The following MYO5C variants were observed in gnomAD, a reference collection of about 807,000 sequenced individuals.
The protein encoded by MYO5C is unconventional myosin-Vc.
A neutral mutation model predicts 235.7 loss-of-function variants in MYO5C; 194 were observed. That is an observed-to-expected ratio of 0.82 (90% CI 0.73 to 0.93). The LOEUF is 0.93. Ranked by LOEUF, MYO5C falls within the 40% of genes least tolerant of loss-of-function variation. The probability of loss-of-function intolerance (pLI) is 0.00; values close to 1 mark genes in which losing one functional copy is unlikely to be tolerated. For missense variants in MYO5C, 2,038 were observed against 2,127.2 expected (o/e 0.96, Z 0.82); for synonymous variants, 707 against 754.8 (o/e 0.94, Z 1.04).
chr15:52,272,317 C>T (rs1054856048), intron 6 of MYO5C, among the ~76,000 whole-genome samples: 2 of 152,318 alleles, frequency 1.3e-5, no homozygotes, highest in South Asian at 4.1e-4. Context: ...GAGATACTTG[C>T]TTTTTAAACT....
intron 21 of MYO5C, 70 bp from the exon 22 acceptor site, chr15:52,237,716 A>G: frequency 6.8e-7 from 1 of 1,472,018 alleles, no homozygotes; most frequent in Non-Finnish European, 9.2e-7. Flanking sequence ...TAATTCTCAT[A>G]GCCTTTGACA....
Position 52,232,612 on chromosome 15 carries a change from G to C in MYO5C, c.3026+10C>G. 1 of 1,613,074 alleles carries C rather than the reference G, an allele frequency of 6.2e-7. No homozygotes were observed. The highest frequency in any genetic ancestry group is 8.5e-7 in the Non-Finnish European group (1 of 1,179,260). On this transcript the variant is annotated intron_variant, in intron 24 of 40. Transcript: ENST00000261839. The stretch of plus-strand genomic sequence containing the variant: ...AAGAAAGTAGCTTTAAGGCAAACTA[G>C]ATTCCATACATTCTTTGCCGTTCTT...
Position 52,239,714 on chromosome 15 carries a change from A to G in MYO5C, c.2703+19T>C. On this transcript the variant is annotated intron_variant, in intron 21 of 40. Coordinates refer to ENST00000261839, the MANE Select transcript of MYO5C (RefSeq NM_018728.4). Reference sequence around the variant, plus strand: ...ATGTAAGAAAAAGTAAATGTAAAAGATGCACTATGAGCACCTACCTGATCT... The same window carrying G: ...ATGTAAGAAAAAGTAAATGTAAAAGGTGCACTATGAGCACCTACCTGATCT... The G allele has an allele frequency of 6.4e-7, 1 of 1,573,812 alleles. No individual in the cohort carries two copies. The highest frequency in any genetic ancestry group is 1.2e-5 in the South Asian group (1 of 85,916).
chr15:52,275,674 G>A lies in MYO5C; in HGVS notation c.494C>T (p.Ala165Val). Residue 165 changes from alanine (A) to valine (V), a missense_variant, in exon 5 of 41, where the codon GCT (alanine) becomes GTT (valine). Transcript: ENST00000261839. Reference sequence around the variant, plus strand: ...ATAGCGAGCCGACACTGTCTTTCCAGCACCTGACTCCCCACTTACAATTAT... The same window carrying A: ...ATAGCGAGCCGACACTGTCTTTCCAACACCTGACTCCCCACTTACAATTAT... ...QSIIVSGESG[A>V]GKTVSARYAM... The A allele has an allele frequency of 6.2e-7, 1 of 1,614,192 alleles. No homozygotes were observed. Among genetic ancestry groups the A allele is most frequent in the Non-Finnish European group, 8.5e-7 (1 of 1,180,032 alleles).
At chr15:52,225,592 G>A in intron 25 of MYO5C, 60 bp from the exon 26 acceptor site, 1 of 1,146,796 alleles carries the variant, frequency 8.7e-7, no homozygotes, top group Non-Finnish European at 1.3e-6. Flanking sequence ...CTTTATATAA[G>A]ACAAAGGGAA....
intron 6 of MYO5C, among the ~76,000 whole-genome samples, chr15:52,272,328 A>G (rs1425142860): frequency 6.6e-6 from 1 of 152,226 alleles, no homozygotes; most frequent in Non-Finnish European, 1.5e-5. Flanking sequence ...TTTTTAAACT[A>G]TAAGGATTTT....
rs760280326 is a variant in MYO5C, at chr15:52,235,658, C to G, written c.2962+12G>C. 6.3e-7 allele frequency: 1 copy of G among 1,598,408 alleles called. No homozygotes were observed. The highest frequency in any genetic ancestry group is 1.1e-5 in the South Asian group (1 of 87,990). On this transcript the variant is annotated intron_variant, in intron 23 of 40. Transcript: ENST00000261839. ...TCAGTGAATGTCTGGATTTGTGCCC[C>G]CCAAGCTTTACCTTTTAACTCTTCA...
chr15:52,267,306 T>G (rs547025308), intron 8 of MYO5C, among the ~76,000 whole-genome samples: 1 of 152,258 alleles, frequency 6.6e-6, no homozygotes, highest in Non-Finnish European at 1.5e-5. Context: ...ACCTGCTATG[T>G]GCTTGGCCTG....
chr15:52,295,544 G>A, intron 1 of MYO5C, 66 bp downstream of exon 1: 1 of 1,485,130 alleles, frequency 6.7e-7, no homozygotes. Flanking sequence ...CGGGCGCCAG[G>A]TCGAGTCAGC....
chr15:52,267,456 C>T (rs886454132), intron 8 of MYO5C, among the ~76,000 whole-genome samples: 1 of 152,122 alleles, frequency 6.6e-6, no homozygotes, highest in African/African-American at 2.4e-5. Context: ...GAGACAGAGG[C>T]GGGCGGATCA....
At position 52,256,725 on chromosome 15, in the gene MYO5C, A is replaced by C; in HGVS notation, c.1314-5T>G. ...TTCACATCAAAGGTTTCAAAACTGA[A>C]ATACAATTTAAACAAGTTAAAATAT... On this transcript the variant is annotated splice_region_variant and splice_polypyrimidine_tract_variant and intron_variant, in intron 10 of 40. Coordinates refer to ENST00000261839, the MANE Select transcript of MYO5C (RefSeq NM_018728.4). 6.2e-7 allele frequency: 1 copy of C among 1,605,434 alleles called. No homozygotes were observed. The highest frequency in any genetic ancestry group is 8.5e-7 in the Non-Finnish European group (1 of 1,172,848).
intron 38 of MYO5C, 76 bp downstream of exon 38, chr15:52,204,789 G>A (rs2035264841): frequency 2.0e-6 from 3 of 1,520,216 alleles, no homozygotes; most frequent in African/African-American, 1.4e-5. Context: ...GGGAGGGTCA[G>A]GCGCGTGGGG....
chr15:52,246,423 A>G (rs932093821), intron 16 of MYO5C, among the ~76,000 whole-genome samples: 1 of 152,192 alleles, frequency 6.6e-6, no homozygotes, highest in East Asian at 1.9e-4. Context: ...GGTCTCACCC[A>G]TCTGGTGACC....
chr15:52,223,202 G>A (rs1400043687), intron 29 of MYO5C, among the ~76,000 whole-genome samples: 1 of 150,520 alleles, frequency 6.6e-6, no homozygotes, highest in African/African-American at 2.4e-5. Context: ...CTGGCCTTCT[G>A]ACACACTCCT....
intron 9 of MYO5C, among the ~76,000 whole-genome samples, chr15:52,263,569 C>T (rs1462252274): frequency 6.6e-6 from 1 of 152,174 alleles, no homozygotes; most frequent in Non-Finnish European, 1.5e-5. Flanking sequence ...CCACACCCTC[C>T]CTGTCACTCA....
chr15:52,244,128 G>A (rs1386379020), intron 19 of MYO5C, among the ~76,000 whole-genome samples: 2 of 152,098 alleles, frequency 1.3e-5, no homozygotes, highest in Admixed American at 6.5e-5. Context: ...TCCCTGCAGG[G>A]CCCTGGGTGT....
At chr15:52,294,609 A>G (rs1033831830) in intron 1 of MYO5C, among the ~76,000 whole-genome samples, 1 of 152,252 alleles carries the variant, frequency 6.6e-6, no homozygotes, top group African/African-American at 2.4e-5. Context: ...GATGGATTCT[A>G]GTTCCACTCG....
At position 52,204,845 on chromosome 15, in the gene MYO5C, C is replaced by A; in HGVS notation, c.4820+20G>T. 2 of 1,610,322 alleles carry A rather than the reference C, an allele frequency of 1.2e-6. No homozygotes were observed. Among genetic ancestry groups the A allele is most frequent in the African/African-American group, 1.3e-5 (1 of 74,944 alleles). On this transcript the variant is annotated intron_variant, in intron 38 of 40. Coordinates refer to ENST00000261839, the MANE Select transcript of MYO5C (RefSeq NM_018728.4). The stretch of plus-strand genomic sequence containing the variant: ...CTTTCTGCAGGCCTCTCCGCGTGAG[C>A]GGAGGTTTCTGGGTTTTACCTGATC...
At chr15:52,258,816 T>G (rs890928530) in intron 10 of MYO5C, among the ~76,000 whole-genome samples, 4 of 152,216 alleles carry the variant, frequency 2.6e-5, no homozygotes, top group African/African-American at 9.6e-5. Context: ...CTTTGTGTAT[T>G]TATAAATACT....
Sources: gnomAD v4.1 joint callset for allele counts (sites outside exome capture counted in the v4.1 genomes callset) on GRCh38, gnomAD v4.1.1 for gene constraint, MANE v1.5 for transcripts, NCBI Gene and HGNC (gene_info 2026-07-23, HGNC 2026-07-21) for gene names.